CNTN1: variants seen among roughly 807,000 people sequenced by gnomAD.
CNTN1 encodes contactin 1.
CNTN1 carries 38 observed loss-of-function variants against 126.4 expected under a neutral mutation model. The ratio of observed to expected loss-of-function variants is 0.30; its 90% CI spans 0.23 to 0.39. CNTN1 has a LOEUF of 0.39. Ranked by LOEUF, CNTN1 falls within the 10% of genes least tolerant of loss-of-function variation. The pLI is 1.00. For missense variants in CNTN1, 1,009 were observed against 1,248.4 expected, an observed-to-expected ratio of 0.81 and a Z score of 2.89; for synonymous variants, 413 against 422.6, an observed-to-expected ratio of 0.98 and a Z score of 0.28.
At chr12:40,821,508 T>C (rs2136528120) in intron 1 of CNTN1, among the ~76,000 whole-genome samples, 1 of 152,296 alleles carries the variant, frequency 6.6e-6, no homozygotes, top group South Asian at 2.1e-4. Context: ...CCATTAGTAG[T>C]AGTATTAGTG....
At chr12:40,833,439 C>G (rs1941933540) in intron 1 of CNTN1, among the ~76,000 whole-genome samples, 2 of 151,996 alleles carry the variant, frequency 1.3e-5, no homozygotes, top group African/African-American at 4.8e-5. Flanking sequence ...GATCTGTTGT[C>G]TTTAACAAAC....
chr12:40,952,217 C>T (rs1273471862), intron 14 of CNTN1, among the ~76,000 whole-genome samples: 1 of 151,986 alleles, frequency 6.6e-6, no homozygotes, highest in Admixed American at 6.6e-5. Flanking sequence ...TGGAGCCTTC[C>T]ACAAGTAGCT....
At chr12:41,056,274 CT>C (rs1949799423) in intron 23 of CNTN1, among the ~76,000 whole-genome samples, 1 of 152,122 alleles carries the variant, frequency 6.6e-6, no homozygotes. Flanking sequence ...CTAATTGTTA[CT>C]ATCACCATTT....
intron 1 of CNTN1, among the ~76,000 whole-genome samples, chr12:40,807,144 T>C (rs1940890724): frequency 1.3e-5 from 2 of 152,046 alleles, no homozygotes; most frequent in East Asian, 3.9e-4. Context: ...TGGGCTGGGA[T>C]CGAGAAGCAT....
At position 40,948,159 on chromosome 12, in the gene CNTN1, G is replaced by A. The variant is rs531734272; in HGVS notation, c.1683+3989G>A. On this transcript the variant is annotated intron_variant, in intron 14 of 23. Coordinates refer to ENST00000551295, the MANE Select transcript of CNTN1 (RefSeq NM_001843.4). ...CAGCATCTGAGAGTATTGGGGACAC[G>A]AATAAAGTATATAAGTGGTTATTAA... Among the ~76,000 whole-genome samples, 6 of 151,326 alleles carry A rather than the reference G, an allele frequency of 4.0e-5. No individual in the cohort carries two copies. In the South Asian group the frequency reaches 8.3e-4, roughly 21 times the overall value.
chr12:41,061,761 G>T (rs1258817558), intron 23 of CNTN1: 11 of 455,614 alleles, frequency 2.4e-5, no homozygotes, highest in South Asian at 1.6e-4. Flanking sequence ...TCATTTTACA[G>T]AAGGAAAATC....
chr12:41,060,021 GA>G (rs57247985), intron 23 of CNTN1, among the ~76,000 whole-genome samples: 5 of 148,416 alleles, frequency 3.4e-5, no homozygotes, highest in South Asian at 2.1e-4. Flanking sequence ...GAGTTTGTCG[GA>G]AAAAAAAAAT....
At chr12:41,048,724 A>G (rs1320772917) in intron 23 of CNTN1, among the ~76,000 whole-genome samples, 1 of 152,104 alleles carries the variant, frequency 6.6e-6, no homozygotes, top group Non-Finnish European at 1.5e-5. Context: ...AGAAGGAAAA[A>G]AATGAAGGAA....
intron 1 of CNTN1, among the ~76,000 whole-genome samples, chr12:40,850,091 A>C (rs749105391): frequency 6.6e-6 from 1 of 152,088 alleles, no homozygotes; most frequent in Non-Finnish European, 1.5e-5. Flanking sequence ...TTAGCATTAT[A>C]ATCTATGCTT....
chr12:40,800,184 A>T (rs1184022028), intron 1 of CNTN1, among the ~76,000 whole-genome samples: 1 of 151,828 alleles, frequency 6.6e-6, no homozygotes, highest in Non-Finnish European at 1.5e-5. Flanking sequence ...GTGAGTTCTC[A>T]CGACATCTGA....
At chr12:40,699,754 C>G (rs529311114) in intron 1 of CNTN1, among the ~76,000 whole-genome samples, 1 of 141,754 alleles carries the variant, frequency 7.1e-6, no homozygotes, top group East Asian at 2.0e-4. Context: ...TCCACATTTA[C>G]AGATAAAAAA....
intron 18 of CNTN1, among the ~76,000 whole-genome samples, chr12:41,015,803 T>G (rs2120739022): frequency 6.6e-6 from 1 of 152,204 alleles, no homozygotes; most frequent in African/African-American, 2.4e-5. Flanking sequence ...TCACTAGAAG[T>G]AGCTGTAAGT....
chr12:40,785,435 C>G (rs1939975482), intron 1 of CNTN1, among the ~76,000 whole-genome samples: 1 of 152,110 alleles, frequency 6.6e-6, no homozygotes, highest in Non-Finnish European at 1.5e-5. Flanking sequence ...AAGAGACCAC[C>G]AAACAGGCTT....
chr12:40,707,241 T>C (rs1165355459), intron 1 of CNTN1, among the ~76,000 whole-genome samples: 3 of 74,284 alleles, frequency 4.0e-5, no homozygotes, highest in East Asian at 2.9e-4. Context: ...TTTTTTTTTT[T>C]TTTTTTTTTT....
intron 16 of CNTN1, among the ~76,000 whole-genome samples, chr12:40,987,143 A>G (rs1352023897): frequency 6.6e-6 from 1 of 152,184 alleles, no homozygotes; most frequent in African/African-American, 2.4e-5. Flanking sequence ...TATTTTCTGC[A>G]ACAAATACAG....
At chr12:40,746,523 A>G (rs1938192124) in intron 1 of CNTN1, among the ~76,000 whole-genome samples, 1 of 152,142 alleles carries the variant, frequency 6.6e-6, no homozygotes, top group Non-Finnish European at 1.5e-5. Context: ...AACAAAAGGA[A>G]GGAAAGTACT....
intron 1 of CNTN1, among the ~76,000 whole-genome samples, chr12:40,706,424 C>T (rs1340437342): frequency 6.6e-6 from 1 of 152,088 alleles, no homozygotes; most frequent in Non-Finnish European, 1.5e-5. Context: ...CTCCTACGTT[C>T]CTAGTGTATC....
intron 17 of CNTN1, among the ~76,000 whole-genome samples, chr12:40,995,475 T>C (rs1389693633): frequency 6.6e-6 from 1 of 150,430 alleles, no homozygotes; most frequent in Non-Finnish European, 1.5e-5. Flanking sequence ...CTTAGTGATA[T>C]AGGGGAGAAG....
In CNTN1 at chr12:40,910,933, G is replaced by A. The variant is rs112108435; in HGVS notation, c.94+828G>A. Among the ~76,000 whole-genome samples the A allele has an allele frequency of 6.2e-3, 948 of 152,230 alleles. 1 individual carries two copies. Among genetic ancestry groups the A allele is most frequent in the Admixed American group, 9.8e-3 (150 of 15,280 alleles). On this transcript the variant is annotated intron_variant, in intron 3 of 23. Transcript: ENST00000551295. The stretch of plus-strand genomic sequence containing the variant: ...TGCTAGAACTTGCATGCCAAATCAA[G>A]GTTACCCATTGTATTAGTCTGTTTT...
Sources: gnomAD v4.1 joint callset for allele counts (sites outside exome capture counted in the v4.1 genomes callset) on GRCh38, gnomAD v4.1.1 for gene constraint, MANE v1.5 for transcripts, NCBI Gene and HGNC (gene_info 2026-07-23, HGNC 2026-07-21) for gene names.